The following TRAPPC13 variants were observed in gnomAD, a reference collection of about 807,000 sequenced individuals.
TRAPPC13 encodes REV7-interacting novel NHEJ regulator 1.
TRAPPC13 carries 39 observed loss-of-function variants against 54.0 expected under a neutral mutation model. The observed-to-expected ratio is 0.72, with a 90% CI of 0.56 to 0.94. TRAPPC13 has a LOEUF of 0.94. TRAPPC13 is among the 40% of genes least tolerant of loss of function. The pLI is 0.00. For synonymous variants in TRAPPC13, 148 were observed against 167.7 expected (o/e 0.88, Z 0.91); for missense variants, 386 against 488.1 (o/e 0.79, Z 1.97).
chr5:65,635,911 A>T, intron 2 of TRAPPC13, 33 bp from the exon 3 acceptor site: 1 of 1,347,042 alleles, frequency 7.4e-7, no homozygotes, highest in Non-Finnish European at 1.0e-6. Context: ...TAAAGGGTAG[A>T]TGTTAGAATT....
At chr5:65,637,883 CTGAAG>C in intron 4 of TRAPPC13, 103 bp downstream of exon 4, 1 of 536,140 alleles carries the variant, frequency 1.9e-6, no homozygotes, top group South Asian at 2.1e-5. Flanking sequence ...CTTTAGGAGG[CTGAAG>C]CAGGTGGATC....
intron 10 of TRAPPC13, 30 bp from the exon 11 acceptor site, chr5:65,662,020 A>T (rs1375706948): frequency 2.0e-6 from 3 of 1,519,426 alleles, no homozygotes. Context: ...TGTGATAGAT[A>T]TACATTAACT....
chr5:65,626,692 C>A lies in TRAPPC13; in HGVS notation c.46+1586C>A, dbSNP rs547093627. On this transcript the variant is annotated intron_variant, in intron 1 of 12. Coordinates refer to ENST00000399438, the MANE Select transcript of TRAPPC13 (RefSeq NM_024941.4). ...CGGAGCTTGCAGTGATCCGAGATCA[C>A]GCCACTGCACGCCATCCTAGGCAAC... 9.2e-5 allele frequency among the ~76,000 whole-genome samples: 14 copies of A among 152,008 alleles called. No individual in the cohort carries two copies. The South Asian group carries it at 2.7e-3, about 29-fold the overall frequency.
intron 4 of TRAPPC13, among the ~76,000 whole-genome samples, chr5:65,646,232 AAG>A (rs1756201756): frequency 6.6e-6 from 1 of 151,990 alleles, no homozygotes; most frequent in Non-Finnish European, 1.5e-5. Flanking sequence ...AAGGAGAAAA[AAG>A]AAATATAATG....
intron 9 of TRAPPC13, among the ~76,000 whole-genome samples, 196 bp from the exon 10 acceptor site, chr5:65,660,503 A>G (rs1045726585): frequency 6.6e-6 from 1 of 152,032 alleles, no homozygotes; most frequent in Non-Finnish European, 1.5e-5. Flanking sequence ...TTCGATATCA[A>G]CTGAAAAAAA....
At chr5:65,645,015 G>T (rs1214209920) in intron 4 of TRAPPC13, among the ~76,000 whole-genome samples, 5 of 151,974 alleles carry the variant, frequency 3.3e-5, no homozygotes, top group African/African-American at 1.2e-4. Flanking sequence ...TGGCCAACAT[G>T]GTGAAACCCC....
intron 1 of TRAPPC13, chr5:65,629,471 C>A: frequency 7.0e-7 from 1 of 1,425,014 alleles, no homozygotes; most frequent in East Asian, 2.5e-5. Flanking sequence ...ACTTTAGGTC[C>A]TGTTTCCCTC....
intron 2 of TRAPPC13, 78 bp from the exon 3 acceptor site, chr5:65,635,866 C>A: frequency 2.3e-6 from 2 of 856,400 alleles, no homozygotes; most frequent in Non-Finnish European, 3.5e-6. Flanking sequence ...TAAAATATCT[C>A]TCCCAGCTAT....
At position 65,664,278 on chromosome 5, in the gene TRAPPC13, A is replaced by C. The variant is rs756047457; in HGVS notation, c.1040A>C (p.Asn347Thr). The change falls in exon 12 of 13, where the codon AAT becomes ACT. Residue 347 changes from asparagine to threonine, a missense_variant. Asn to Thr is a moderately conservative substitution (Grantham distance 65). Transcript: ENST00000399438. ...MDLVLEMCNT[N>T]SIHWCGISGR... ...CTGGTTTTGGAAATGTGCAATACCA[A>C]TTCCATCCACTGGTGTGGAATTTCA... The C allele has an allele frequency of 1.9e-6, 3 of 1,613,888 alleles. No individual in the cohort carries two copies. The highest frequency in any genetic ancestry group is 2.5e-6 in the Non-Finnish European group (3 of 1,179,776).
rs1442007475 is a variant in TRAPPC13, at chr5:65,630,034, T to C, written c.46+4928T>C. On this transcript the variant is annotated intron_variant, in intron 1 of 12. Coordinates refer to ENST00000399438, the MANE Select transcript of TRAPPC13 (RefSeq NM_024941.4). ...GTACTAAAAACGTTTCTCCTTTGTC[T>C]AAAAAATTGCAAGATAGTTTAAAGG... is the stretch of plus-strand genomic sequence containing the variant. The C allele has an allele frequency of 4.6e-6, 7 of 1,536,032 alleles. No homozygotes were observed. The Admixed American group carries it at 1.4e-4, about 30-fold the overall frequency.
chr5:65,647,084 A>G lies in TRAPPC13; in HGVS notation c.330A>G (p.Leu110=), dbSNP rs1417801719. Residue 110 remains leucine (L), a synonymous_variant, in exon 5 of 13, where the codon TTA becomes TTG. Coordinates refer to ENST00000399438, the MANE Select transcript of TRAPPC13 (RefSeq NM_024941.4). ...ATCTTCAGACAAGTTCTCAGCGTTT[A>G]AATCTTTCAGCCTCCAATGCTGCAG... ...KADLQTSSQR[L]NLSASNAAVA... is the part of the protein sequence containing the mutation. 3.2e-6 allele frequency: 5 copies of G among 1,552,166 alleles called. No homozygotes were observed. The East Asian group carries it at 1.2e-4, about 37-fold the overall frequency.
chr5:65,653,763 T>G (rs1404075695), intron 7 of TRAPPC13, among the ~76,000 whole-genome samples: 2 of 152,160 alleles, frequency 1.3e-5, no homozygotes, highest in Non-Finnish European at 2.9e-5. Context: ...CATACCTATT[T>G]GACGAGAGGG....
At chr5:65,626,653 G>A (rs1581202075) in intron 1 of TRAPPC13, among the ~76,000 whole-genome samples, 2 of 151,386 alleles carry the variant, frequency 1.3e-5, no homozygotes, top group Admixed American at 6.6e-5. Context: ...GGAGAATGGC[G>A]TGAACCCGGG....
chr5:65,642,837 A>AT (rs1184822420), intron 4 of TRAPPC13, among the ~76,000 whole-genome samples: 1 of 151,974 alleles, frequency 6.6e-6, no homozygotes, highest in Non-Finnish European at 1.5e-5. Context: ...ATTATTTTTT[A>AT]TTTTTTGGAG....
intron 1 of TRAPPC13, 140 bp from the exon 2 acceptor site, chr5:65,635,161 G>C: frequency 1.4e-6 from 1 of 733,328 alleles, no homozygotes; most frequent in East Asian, 3.0e-5. Context: ...ACCTTAGGAA[G>C]TATGTAGTAT....
At chr5:65,627,522 C>T (rs1366297528) in intron 1 of TRAPPC13, among the ~76,000 whole-genome samples, 1 of 151,818 alleles carries the variant, frequency 6.6e-6, no homozygotes, top group Non-Finnish European at 1.5e-5. Context: ...CCCAGCTACT[C>T]AGGAGGCTGA....
intron 8 of TRAPPC13, among the ~76,000 whole-genome samples, chr5:65,656,698 G>A (rs1191304187): frequency 6.6e-6 from 1 of 151,882 alleles, no homozygotes; most frequent in Non-Finnish European, 1.5e-5. Flanking sequence ...ACGAGGTCAG[G>A]AGTTTGAGAC....
At chr5:65,643,483 C>CTA (rs1554129022) in intron 4 of TRAPPC13, among the ~76,000 whole-genome samples, 2 of 151,706 alleles carry the variant, frequency 1.3e-5, no homozygotes, top group South Asian at 4.1e-4. Flanking sequence ...TAGTGTATTT[C>CTA]TATATATATA....
intron 1 of TRAPPC13, among the ~76,000 whole-genome samples, chr5:65,632,483 T>C (rs1304504757): frequency 6.6e-6 from 1 of 152,188 alleles, no homozygotes; most frequent in Non-Finnish European, 1.5e-5. Context: ...AGGCATGACA[T>C]TCCAGGTTTA....
Sources: gnomAD v4.1 joint callset for allele counts (sites outside exome capture counted in the v4.1 genomes callset) on GRCh38, gnomAD v4.1.1 for gene constraint, MANE v1.5 for transcripts, NCBI Gene and HGNC (gene_info 2026-07-23, HGNC 2026-07-21) for gene names.